The following ZNF44 variants were observed in gnomAD, a reference collection of about 807,000 sequenced individuals.
ZNF44 encodes gonadotropin inducible transcription repressor-2.
ZNF44 carries 9 observed loss-of-function variants against 11.7 expected under a neutral mutation model. That is an observed-to-expected ratio of 0.77 (90% CI 0.46 to 1.35). The LOEUF (loss-of-function observed/expected upper bound fraction) is 1.35. Among genes scored for constraint, ZNF44 ranks in the 40% most tolerant of loss-of-function variants. The pLI, the probability that ZNF44 is intolerant of heterozygous loss-of-function variation, is 0.00. For missense variants in ZNF44, 696 were observed against 743.1 expected (o/e 0.94, Z 0.74); for synonymous variants, 224 against 242.7 (o/e 0.92, Z 0.72).
In ZNF44 at chr19:12,272,410, T is replaced by C. The variant is rs761298792; in HGVS notation, c.1845A>G (p.Leu615=). 19 of 1,539,696 alleles carry C rather than the reference T, an allele frequency of 1.2e-5. No homozygotes were observed. Among genetic ancestry groups the C allele is most frequent in the Admixed American group, 8.7e-5 (4 of 46,120 alleles). Residue 615 remains leucine, a synonymous_variant, in exon 4 of 4, where the codon CTA becomes CTG. Transcript: ENST00000355684. ...RHKRTHWKDI[L] is the part of the protein sequence containing the mutation. ...TGCTTTCCCACATTCCATACACTTA[T>C]AGAATATCCTTCCAGTGTGTCCTTT...
At chr19:12,268,113 A>G (rs1169461556), downstream of ZNF44, among the ~76,000 whole-genome samples, 1 of 145,700 alleles carries the variant, frequency 6.9e-6, no homozygotes, top group Non-Finnish European at 1.5e-5. Flanking sequence ...CTGGGATTAC[A>G]TGGGCCTTTG....
intron 5 of ZNF44, among the ~76,000 whole-genome samples, chr19:12,253,336 C>A (rs967400986): frequency 6.6e-6 from 1 of 151,550 alleles, no homozygotes; most frequent in Non-Finnish European, 1.5e-5. Flanking sequence ...ATTACAGGCA[C>A]ATGCCACCAC....
downstream of ZNF44, among the ~76,000 whole-genome samples, chr19:12,244,336 G>A (rs1188184290): frequency 6.6e-6 from 1 of 152,166 alleles, no homozygotes; most frequent in African/African-American, 2.4e-5. Flanking sequence ...ACTTGTAATA[G>A]ACTTTGAAAC....
At chr19:12,263,332 C>T (rs921291062) in intron 5 of ZNF44, among the ~76,000 whole-genome samples, 6 of 152,056 alleles carry the variant, frequency 3.9e-5, no homozygotes, top group Middle Eastern at 6.8e-3. Context: ...GTGATCCGCC[C>T]GCCTCAGCCT....
chr19:12,232,802 C>A (rs1299827782), intron 2 of ZNF44, among the ~76,000 whole-genome samples: 1 of 152,284 alleles, frequency 6.6e-6, no homozygotes, highest in East Asian at 1.9e-4. Flanking sequence ...CATCAGCCAG[C>A]AATCAGTGCA....
chr19:12,228,281 TC>T (rs1916004749), intron 3 of ZNF44, among the ~76,000 whole-genome samples: 1 of 152,212 alleles, frequency 6.6e-6, no homozygotes, highest in African/African-American at 2.4e-5. Context: ...TATTTTACTT[TC>T]CTTACACACT....
intron 1 of ZNF44, chr19:12,284,782 T>G (rs1967656244): frequency 9.0e-7 from 1 of 1,116,090 alleles, no homozygotes. Context: ...CTGGCCAAGC[T>G]CTCCACTGTC....
intron 1 of ZNF44, among the ~76,000 whole-genome samples, chr19:12,277,883 G>A (rs1377813708): frequency 1.3e-5 from 2 of 152,174 alleles, no homozygotes; most frequent in Non-Finnish European, 2.9e-5. Context: ...GAGTCAAACT[G>A]GGCAGGAACT....
intron 1 of ZNF44, among the ~76,000 whole-genome samples, chr19:12,292,701 C>T (rs908162168): frequency 6.6e-6 from 1 of 152,000 alleles, no homozygotes; most frequent in Non-Finnish European, 1.5e-5. Context: ...TTTTTAGAAA[C>T]AGTTTTCTAG....
chr19:12,254,427 A>G (rs139702754), intron 5 of ZNF44, among the ~76,000 whole-genome samples: 4 of 152,292 alleles, frequency 2.6e-5, no homozygotes, highest in African/African-American at 9.6e-5. Context: ...ATCTCATAGA[A>G]CTATTTTTAC....
chr19:12,278,256 C>A (rs1255335353), intron 1 of ZNF44, among the ~76,000 whole-genome samples: 1 of 152,188 alleles, frequency 6.6e-6, no homozygotes. Context: ...CTAGCCAGAG[C>A]CCTTCCCTTT....
downstream of ZNF44, chr19:12,247,470 T>C: frequency 7.5e-7 from 1 of 1,338,624 alleles, no homozygotes; most frequent in Non-Finnish European, 9.9e-7. Flanking sequence ...AATTCGTTCA[T>C]GTATATGAAT....
chr19:12,268,932 C>T (rs1444322926), downstream of ZNF44, among the ~76,000 whole-genome samples: 1 of 152,058 alleles, frequency 6.6e-6, no homozygotes, highest in Non-Finnish European at 1.5e-5. Context: ...TCTGTAGACA[C>T]ATGGTCTCCC....
chr19:12,232,332 G>T (rs1363542548), intron 2 of ZNF44, among the ~76,000 whole-genome samples: 2 of 152,102 alleles, frequency 1.3e-5, no homozygotes, highest in East Asian at 3.9e-4. Context: ...CAAGAGGCAT[G>T]CCTTCCTCTT....
intron 5 of ZNF44, among the ~76,000 whole-genome samples, chr19:12,252,186 C>T (rs1917034953): frequency 6.6e-6 from 1 of 152,084 alleles, no homozygotes; most frequent in Admixed American, 6.6e-5. Flanking sequence ...ACATAAAATG[C>T]CCTTTCTCCA....
intron 1 of ZNF44, among the ~76,000 whole-genome samples, chr19:12,277,232 T>C (rs1253630960): frequency 6.6e-6 from 1 of 152,176 alleles, no homozygotes; most frequent in Non-Finnish European, 1.5e-5. Flanking sequence ...GAGAGAATAT[T>C]TGGAAGCTGG....
intron 1 of ZNF44, among the ~76,000 whole-genome samples, chr19:12,289,958 C>T (rs959371307): frequency 2.7e-5 from 4 of 150,372 alleles, no homozygotes; most frequent in African/African-American, 9.7e-5. Context: ...TTAGCTAAAT[C>T]CAGATTTATC....
chr19:12,292,390 C>T (rs2145774968), intron 1 of ZNF44, among the ~76,000 whole-genome samples: 1 of 151,648 alleles, frequency 6.6e-6, no homozygotes, highest in South Asian at 2.1e-4. Flanking sequence ...CTCTTTCTGG[C>T]CTCTTTAGAA....
chr19:12,271,394 T>C (rs1695204478), downstream of ZNF44, among the ~76,000 whole-genome samples: 2 of 152,174 alleles, frequency 1.3e-5, no homozygotes, highest in African/African-American at 2.4e-5. Flanking sequence ...ATGCTGACAT[T>C]AGTATTAGCC....
Sources: gnomAD v4.1 joint callset for allele counts (sites outside exome capture counted in the v4.1 genomes callset) on GRCh38, gnomAD v4.1.1 for gene constraint, MANE v1.5 for transcripts, NCBI Gene and HGNC (gene_info 2026-07-23, HGNC 2026-07-21) for gene names.